DYRK1A: variants seen among roughly 807,000 people sequenced by gnomAD.
The protein encoded by DYRK1A is dual specificity tyrosine phosphorylation regulated kinase 1A.
In DYRK1A, 9 loss-of-function variants were observed where a neutral mutation model predicts 79.7. The observed-to-expected ratio is 0.11, with a 90% CI of 0.07 to 0.20. The LOEUF is 0.20. DYRK1A is among the 10% of genes least tolerant of loss of function. The pLI is 1.00. For missense variants in DYRK1A, 622 were observed against 956.0 expected (o/e 0.65, Z 4.61); for synonymous variants, 349 against 329.7 (o/e 1.06, Z -0.63).
intron 1 of DYRK1A, among the ~76,000 whole-genome samples, chr21:37,396,046 T>A (rs1247648629): frequency 6.6e-6 from 1 of 152,218 alleles, no homozygotes; most frequent in Non-Finnish European, 1.5e-5. Context: ...GAGTGATTCC[T>A]GGCCCCATGT....
At chr21:37,482,568 C>T (rs534995297) in intron 5 of DYRK1A, among the ~76,000 whole-genome samples, 81 of 152,220 alleles carry the variant, frequency 5.3e-4, no homozygotes, top group South Asian at 1.2e-3. Context: ...AGGACCAGGG[C>T]GAAATTAAAA....
At chr21:37,478,785 T>C (rs73903999) in intron 4 of DYRK1A, among the ~76,000 whole-genome samples, 1,604 of 152,366 alleles carry the variant, frequency 0.011, 23 homozygotes, top group African/African-American at 0.036. Context: ...TGTGATTTTA[T>C]TGTCTTTTAA....
Position 37,512,066 on chromosome 21 carries a change from TCACCACCACCACCAC to T in DYRK1A, c.1803_1817del (p.His606_His610del). 6.2e-7 allele frequency: 1 copy of T among 1,613,838 alleles called. No individual in the cohort carries two copies. The highest frequency in any genetic ancestry group is 8.5e-7 in the Non-Finnish European group (1 of 1,179,910). On this transcript the variant is annotated inframe_deletion, in exon 12 of 12. Transcript: ENST00000647188. ...ACCATGGTAACAGTTCCCATCACCA[TCACCACCACCACCAC>T]CATCACCACCACCATGGACAACAAG...
rs1223425257 is a variant in DYRK1A, at chr21:37,517,353, G to A, written c.*4822G>A. 6.6e-6 allele frequency: 1 copy of A among 152,226 alleles called. No homozygotes were observed. Among genetic ancestry groups the A allele is most frequent in the Non-Finnish European group, 1.5e-5 (1 of 68,048 alleles). 9.4% of individuals were successfully genotyped at this position (152,226 alleles called of 1,614,324 possible). On this transcript the variant is annotated 3_prime_UTR_variant, in exon 12 of 12. Coordinates refer to ENST00000647188, the MANE Select transcript of DYRK1A (RefSeq NM_001347721.2). ...GGGTGTGGTTGGCCGAGTTCTCATA[G>A]CTAGAGAAAGGCCGTGTAGGTATAA...
chr21:37,506,051 ATGAATT>A (rs1226904027), intron 10 of DYRK1A, 42 bp from the exon 11 acceptor site: 2 of 1,574,412 alleles, frequency 1.3e-6, no homozygotes, highest in African/African-American at 2.7e-5. Context: ...TTTGAACAAA[ATGAATT>A]TTAAACTCAC....
At chr21:37,475,881 G>T (rs563333262) in intron 3 of DYRK1A, among the ~76,000 whole-genome samples, 1 of 152,258 alleles carries the variant, frequency 6.6e-6, no homozygotes, top group South Asian at 2.1e-4. Flanking sequence ...TTTTTCAGAT[G>T]TTTGAAATAC....
Position 37,512,590 on chromosome 21 carries a change from C to CA in DYRK1A, c.*64dup, listed in dbSNP as rs2148663593. On this transcript the variant is annotated 3_prime_UTR_variant, in exon 12 of 12. Transcript: ENST00000647188. ...TTTTATAGAAGTGGTGTTTTTTTTC[C>CA]AAAAACAAAGTGCAAAGCTGCTTGA... 6.4e-7 allele frequency: 1 copy of CA among 1,568,338 alleles called. No individual in the cohort carries two copies. The highest frequency in any genetic ancestry group is 8.7e-7 in the Non-Finnish European group (1 of 1,155,202).
At position 37,520,582 on chromosome 21, in the gene DYRK1A, A is replaced by G. The variant is rs1057123833; in HGVS notation, c.*8051A>G. On this transcript the variant is annotated 3_prime_UTR_variant, in exon 12 of 12. Transcript: ENST00000647188. ...ATAAAAGTCTGTTTGTTTGCATTAGACTATACATGATTTGCATTACAATGG... is the reference window on the plus strand; with the variant it reads ...ATAAAAGTCTGTTTGTTTGCATTAGGCTATACATGATTTGCATTACAATGG... 6.6e-6 allele frequency: 1 copy of G among 152,220 alleles called. No homozygotes were observed. Among genetic ancestry groups the G allele is most frequent in the African/African-American group, 2.4e-5 (1 of 41,446 alleles). The allele number at this position is 152,220 out of a possible 1,614,324, so 9.4% of individuals were successfully genotyped here. A position where few individuals can be genotyped will look rare whatever the true frequency, so the allele number is the denominator to read the frequency against.
chr21:37,520,336 CAG>C lies in DYRK1A; in HGVS notation c.*7806_*7807del, dbSNP rs899680549. 3.5e-4 allele frequency: 53 copies of C among 152,282 alleles called. 2 individuals carry two copies. Among genetic ancestry groups the C allele is most frequent in the Admixed American group, 2.9e-3 (44 of 15,302 alleles). 9.4% of individuals were successfully genotyped at this position (152,282 alleles called of 1,614,324 possible). A position where few individuals can be genotyped will look rare whatever the true frequency, so the allele number is the denominator to read the frequency against. On this transcript the variant is annotated 3_prime_UTR_variant, in exon 12 of 12. Transcript: ENST00000647188. ...TCAGCTCTTAAGTTTATAAATAAAA[CAG>C]GGATATTATCGGGGAAGCTTTTGAA...
At chr21:37,366,516 C>T (rs2049307919), upstream of DYRK1A, among the ~76,000 whole-genome samples, 4 of 150,712 alleles carry the variant, frequency 2.7e-5, no homozygotes, top group South Asian at 6.3e-4. Flanking sequence ...TAGCCGTCCC[C>T]CTCCTCTCCC....
In DYRK1A at chr21:37,514,814, TAA is replaced by T. The variant is rs2053854513; in HGVS notation, c.*2284_*2285del. The T allele has an allele frequency of 2.0e-5, 3 of 152,722 alleles. No individual in the cohort carries two copies. In the South Asian group the frequency reaches 6.2e-4, roughly 32 times the overall value. 9.5% of individuals were successfully genotyped at this position (152,722 alleles called of 1,614,324 possible). ...TTACTGCTGTTTAGGAATATAAGGTTAAGATATCATATGGGTCAGGTCATTTT... is the reference window on the plus strand; with the variant it reads ...TTACTGCTGTTTAGGAATATAAGGTTGATATCATATGGGTCAGGTCATTTT... On this transcript the variant is annotated 3_prime_UTR_variant, in exon 12 of 12. Transcript: ENST00000647188.
rs1413348894 is a variant in DYRK1A, at chr21:37,439,363, G to A, written c.10+18979G>A. Among the ~76,000 whole-genome samples the A allele has an allele frequency of 2.0e-5, 3 of 152,218 alleles. No homozygotes were observed. In the East Asian group the frequency reaches 5.8e-4, roughly 29 times the overall value. ...ACATAGACTACAATGTTGAATAGAA[G>A]TAGTGAAAGAGGACATTCTGTTTTG... On this transcript the variant is annotated intron_variant, in intron 2 of 11. Transcript: ENST00000647188.
chr21:37,373,536 T>TA lies in DYRK1A; in HGVS notation c.-77+5909dup, dbSNP rs1215446757. Among the ~76,000 whole-genome samples the TA allele has an allele frequency of 3.9e-5, 6 of 152,364 alleles. No individual in the cohort carries two copies. In the South Asian group the frequency reaches 6.2e-4, roughly 16 times the overall value. The stretch of plus-strand genomic sequence containing the variant: ...AACAGTATAACTTATCTAAGGCTGA[T>TA]ATGGTGGCACCACGATGTGAGGGAG... On this transcript the variant is annotated intron_variant, in intron 1 of 11. Transcript: ENST00000647188.
intron 1 of DYRK1A, among the ~76,000 whole-genome samples, chr21:37,385,974 T>C (rs1479617074): frequency 2.0e-5 from 3 of 152,182 alleles, no homozygotes. Context: ...CCCGTTAACA[T>C]AGTTAGGGCA....
At position 37,506,136 on chromosome 21, in the gene DYRK1A, G is replaced by C; in HGVS notation, c.1557G>C (p.Arg519=). The change falls in exon 11 of 12, where the codon CGG becomes CGC. Residue 519 remains arginine, a synonymous_variant. Transcript: ENST00000647188. Reference sequence around the variant, plus strand: ...GGACAAGCAACAGTGGGAGAGCCCGGTCGGATCCGACGCACCAGCATCGGC... The same window carrying C: ...GGACAAGCAACAGTGGGAGAGCCCGCTCGGATCCGACGCACCAGCATCGGC... ...SSGTSNSGRA[R]SDPTHQHRHS... 2 of 1,613,870 alleles carry C rather than the reference G, an allele frequency of 1.2e-6. No individual in the cohort carries two copies. The highest frequency in any genetic ancestry group is 1.7e-6 in the Non-Finnish European group (2 of 1,179,782).
At chr21:37,451,699 G>T (rs985790218) in intron 2 of DYRK1A, among the ~76,000 whole-genome samples, 1 of 151,824 alleles carries the variant, frequency 6.6e-6, no homozygotes, top group Non-Finnish European at 1.5e-5. Context: ...TAGCGTGGGC[G>T]TGCAGTGTAT....
intron 1 of DYRK1A, among the ~76,000 whole-genome samples, chr21:37,388,861 G>T (rs754796400): frequency 7.3e-5 from 11 of 151,650 alleles, no homozygotes; most frequent in Non-Finnish European, 1.0e-4. Context: ...AGCCAGGTTG[G>T]TCTCCATCTC....
chr21:37,392,807 G>A (rs747330419), intron 1 of DYRK1A, among the ~76,000 whole-genome samples: 1 of 152,236 alleles, frequency 6.6e-6, no homozygotes, highest in Admixed American at 6.5e-5. Flanking sequence ...AGTTCTGGAG[G>A]ATGGGAAGTC....
chr21:37,446,068 G>T (rs1274538760), intron 2 of DYRK1A, among the ~76,000 whole-genome samples: 1 of 152,092 alleles, frequency 6.6e-6, no homozygotes, highest in Non-Finnish European at 1.5e-5. Flanking sequence ...TGCTACCAGA[G>T]TATCTTAGGC....
Sources: gnomAD v4.1 joint callset for allele counts (sites outside exome capture counted in the v4.1 genomes callset) on GRCh38, gnomAD v4.1.1 for gene constraint, MANE v1.5 for transcripts, NCBI Gene and HGNC (gene_info 2026-07-23, HGNC 2026-07-21) for gene names.